The following SLC9A7 variants were observed in gnomAD, a reference collection of about 807,000 sequenced individuals.
SLC9A7 encodes the protein sodium/hydrogen exchanger 7.
In SLC9A7, 19 loss-of-function variants were observed where a neutral mutation model predicts 52.6. The ratio of observed to expected loss-of-function variants is 0.36; its 90% CI spans 0.25 to 0.53. The LOEUF (loss-of-function observed/expected upper bound fraction) is 0.53. SLC9A7 is among the 20% of genes least tolerant of loss of function. The pLI is 0.91. For missense variants in SLC9A7, 455 were observed against 597.9 expected (o/e 0.76, Z 2.49); for synonymous variants, 226 against 252.1 (o/e 0.90, Z 0.98).
chrX:46,757,113 A>G (rs975668017), intron 1 of SLC9A7, among the ~76,000 whole-genome samples: 1 of 112,080 alleles, frequency 8.9e-6, no homozygotes, highest in Non-Finnish European at 1.9e-5. Flanking sequence ...GGTTATCTAT[A>G]TAAAGGCAAT....
intron 5 of SLC9A7, among the ~76,000 whole-genome samples, chrX:46,662,962 C>T (rs1943849700): frequency 8.9e-6 from 1 of 112,569 alleles, no homozygotes; most frequent in South Asian, 3.7e-4. Flanking sequence ...TTTGGCTTCA[C>T]CAGTGGGTTG....
intron 3 of SLC9A7, among the ~76,000 whole-genome samples, chrX:46,676,050 T>C (rs895117542): frequency 1.8e-5 from 2 of 111,805 alleles, no homozygotes; most frequent in Non-Finnish European, 3.8e-5. Flanking sequence ...ATCTGTATCC[T>C]TTGTAATATC....
intron 7 of SLC9A7, among the ~76,000 whole-genome samples, chrX:46,655,804 C>G (rs890621664): frequency 8.9e-6 from 1 of 112,565 alleles, no homozygotes; most frequent in African/African-American, 3.2e-5. Flanking sequence ...GAGGGGCGCC[C>G]GCCATTGCCC....
At chrX:46,745,112 G>C (rs766200193) in intron 1 of SLC9A7, among the ~76,000 whole-genome samples, 3 of 111,751 alleles carry the variant, frequency 2.7e-5, no homozygotes, top group Non-Finnish European at 5.6e-5. Flanking sequence ...AATGACTCAA[G>C]AACAAGGCAA....
At chrX:46,649,022 T>C (rs1239837549) in intron 10 of SLC9A7, among the ~76,000 whole-genome samples, 1 of 111,726 alleles carries the variant, frequency 9.0e-6, no homozygotes, top group Non-Finnish European at 1.9e-5. Context: ...AGAGATCATT[T>C]CTAGCTTGTT....
At chrX:46,661,614 C>A (rs1167838814) in intron 7 of SLC9A7, among the ~76,000 whole-genome samples, 1 of 110,953 alleles carries the variant, frequency 9.0e-6, no homozygotes, top group Non-Finnish European at 1.9e-5. Flanking sequence ...CTAGCTATCG[C>A]CACATAACAC....
intron 7 of SLC9A7, among the ~76,000 whole-genome samples, chrX:46,655,614 G>A (rs776786418): frequency 3.7e-4 from 41 of 112,090 alleles, no homozygotes; most frequent in African/African-American, 1.2e-3. Context: ...GGTGACAGAC[G>A]GCACCTGGAA....
chrX:46,739,476 G>C (rs1472397079), intron 1 of SLC9A7, among the ~76,000 whole-genome samples: 3 of 110,524 alleles, frequency 2.7e-5, no homozygotes, highest in Non-Finnish European at 5.7e-5. Flanking sequence ...CTCTGGTGGT[G>C]GCTATGTGTT....
intron 1 of SLC9A7, among the ~76,000 whole-genome samples, chrX:46,752,389 A>T (rs1922299444): frequency 9.0e-6 from 1 of 111,665 alleles, no homozygotes; most frequent in Admixed American, 9.6e-5. Flanking sequence ...ATGAACTAGG[A>T]GCCAATCAAG....
At chrX:46,660,049 C>T (rs1253602243) in intron 7 of SLC9A7, among the ~76,000 whole-genome samples, 1 of 108,383 alleles carries the variant, frequency 9.2e-6, no homozygotes, top group East Asian at 2.9e-4. Flanking sequence ...AGAACAGAGC[C>T]CTCAGAAATA....
chrX:46,703,783 T>A (rs896015632), intron 1 of SLC9A7, among the ~76,000 whole-genome samples: 1 of 111,614 alleles, frequency 9.0e-6, no homozygotes, highest in African/African-American at 3.3e-5. Flanking sequence ...AAAAGCAAGA[T>A]GAAAAACAAG....
intron 14 of SLC9A7, among the ~76,000 whole-genome samples, chrX:46,630,996 G>A (rs1943212087): frequency 8.9e-6 from 1 of 112,464 alleles, no homozygotes; most frequent in Non-Finnish European, 1.9e-5. Flanking sequence ...AGAAGTCCTT[G>A]TGGTTGGGTC....
chrX:46,735,804 G>A (rs1217223973), intron 1 of SLC9A7, among the ~76,000 whole-genome samples: 1 of 111,463 alleles, frequency 9.0e-6, no homozygotes, highest in Non-Finnish European at 1.9e-5. Context: ...CCACCCCACT[G>A]TCTTCTTGCT....
intron 1 of SLC9A7, among the ~76,000 whole-genome samples, chrX:46,730,825 C>T (rs1287343815): frequency 9.7e-6 from 1 of 102,987 alleles, no homozygotes; most frequent in African/African-American, 3.5e-5. Context: ...CAGAAGAACA[C>T]AAAAGGCTTT....
intron 1 of SLC9A7, among the ~76,000 whole-genome samples, chrX:46,757,460 C>G (rs1556293266): frequency 8.9e-6 from 1 of 112,714 alleles, no homozygotes; most frequent in Non-Finnish European, 1.9e-5. Context: ...TGAGCCCCGG[C>G]TGTCAACAAC....
rs371574863 is a variant in SLC9A7 at position 46,651,096 on chromosome X, C to T, written c.1350+14G>A. 2 of 1,161,056 alleles carry T rather than the reference C, an allele frequency of 1.7e-6. No homozygotes were observed. The highest frequency in any genetic ancestry group is 1.8e-5 in the African/African-American group (1 of 56,342). On this transcript the variant is annotated intron_variant, in intron 10 of 16. Coordinates refer to ENST00000616978, the MANE Select transcript of SLC9A7 (RefSeq NM_001257291.2). ...TCTCTGCATGTAGAAAATGGTGGAACAAGAAAAGGATACAAAAGCTCCGAT... is the reference window on the plus strand; with the variant it reads ...TCTCTGCATGTAGAAAATGGTGGAATAAGAAAAGGATACAAAAGCTCCGAT...
At chrX:46,620,221 G>C (rs1263267031) in intron 15 of SLC9A7, among the ~76,000 whole-genome samples, 1 of 110,337 alleles carries the variant, frequency 9.1e-6, no homozygotes, top group Non-Finnish European at 1.9e-5. Context: ...AGGAGTTCGA[G>C]ACCAGCCTGG....
chrX:46,620,469 G>T (rs1322339538), intron 15 of SLC9A7, among the ~76,000 whole-genome samples: 5 of 110,996 alleles, frequency 4.5e-5, no homozygotes, highest in Non-Finnish European at 9.4e-5. Context: ...AACCATGAGG[G>T]TTTAACATTT....
rs1942673624 is a variant in SLC9A7 at position 46,602,338 on chromosome X, T to C, written c.*4614A>G. 8.9e-6 allele frequency: 1 copy of C among 112,111 alleles called. No individual in the cohort carries two copies. Among genetic ancestry groups the C allele is most frequent in the African/African-American group, 3.2e-5 (1 of 30,801 alleles). 9.2% of individuals were successfully genotyped at this position (112,111 alleles called of 1,213,427 possible). On this transcript the variant is annotated 3_prime_UTR_variant, in exon 17 of 17. Transcript: ENST00000616978. ...GTATTACTGATCAATACTCAGTTCG[T>C]TTCACATGACTAACAATTTAAAAAA...
Sources: gnomAD v4.1 joint callset for allele counts (sites outside exome capture counted in the v4.1 genomes callset) on GRCh38, gnomAD v4.1.1 for gene constraint, MANE v1.5 for transcripts, NCBI Gene and HGNC (gene_info 2026-07-23, HGNC 2026-07-21) for gene names.